Variants in CACNB2 observed in about 807,000 individuals in gnomAD.
CACNB2 encodes voltage-dependent L-type calcium channel subunit beta-2.
In CACNB2, 42 loss-of-function variants were observed where a neutral mutation model predicts 73.3. The ratio of observed to expected loss-of-function variants is 0.57; its 90% CI spans 0.45 to 0.74. The LOEUF is 0.74. Ranked by LOEUF, CACNB2 falls within the 30% of genes least tolerant of loss-of-function variation. The pLI is 0.00. For synonymous variants in CACNB2, 348 were observed against 310.3 expected (o/e 1.12, Z -1.28); for missense variants, 940 against 853.0 (o/e 1.10, Z -1.27).
intron 2 of CACNB2, among the ~76,000 whole-genome samples, chr10:18,391,501 G>A (rs1279582189): frequency 6.6e-6 from 1 of 152,036 alleles, no homozygotes; most frequent in Non-Finnish European, 1.5e-5. Flanking sequence ...TCCATGCCTG[G>A]CACTATTCCA....
chr10:18,304,461 ATTGT>A (rs562445995), intron 2 of CACNB2, among the ~76,000 whole-genome samples: 38 of 152,388 alleles, frequency 2.5e-4, no homozygotes, highest in African/African-American at 8.9e-4. Context: ...CATTGAAAAC[ATTGT>A]TTGTTTCCCC....
chr10:18,403,961 T>C (rs1456356909), intron 3 of CACNB2, among the ~76,000 whole-genome samples: 1 of 152,086 alleles, frequency 6.6e-6, no homozygotes, highest in East Asian at 1.9e-4. Flanking sequence ...TTGTATATTT[T>C]TAAATAACTT....
chr10:18,357,194 C>T (rs1335917483), intron 2 of CACNB2, among the ~76,000 whole-genome samples: 4 of 151,704 alleles, frequency 2.6e-5, no homozygotes, highest in African/African-American at 4.8e-5. Context: ...CCGCCCGTCT[C>T]GGCCTCCCAA....
At chr10:18,463,266 G>A (rs2047679446) in intron 3 of CACNB2, among the ~76,000 whole-genome samples, 1 of 151,932 alleles carries the variant, frequency 6.6e-6, no homozygotes, top group Non-Finnish European at 1.5e-5. Flanking sequence ...GCTCACACCT[G>A]TAATCCCAGC....
intron 2 of CACNB2, among the ~76,000 whole-genome samples, chr10:18,235,099 C>T (rs1180306947): frequency 3.4e-5 from 5 of 149,126 alleles, no homozygotes; most frequent in African/African-American, 1.2e-4. Context: ...GCCGGGATCA[C>T]GCCACTGCAC....
At chr10:18,449,500 A>G (rs2046911884) in intron 3 of CACNB2, among the ~76,000 whole-genome samples, 1 of 152,252 alleles carries the variant, frequency 6.6e-6, no homozygotes, top group African/African-American at 2.4e-5. Context: ...TCTTTAAGCC[A>G]AGACAGAGTC....
chr10:18,280,746 A>T (rs1286706440), intron 2 of CACNB2, among the ~76,000 whole-genome samples: 5 of 152,198 alleles, frequency 3.3e-5, no homozygotes, highest in Admixed American at 3.3e-4. Flanking sequence ...AGCCACATGA[A>T]ATAAAAATGA....
At chr10:18,536,682 T>G (rs1031643871) in intron 12 of CACNB2, among the ~76,000 whole-genome samples, 3 of 152,184 alleles carry the variant, frequency 2.0e-5, no homozygotes, top group Non-Finnish European at 4.4e-5. Context: ...GATCATGTGT[T>G]TTGAGCACAA....
chr10:18,491,891 G>A (rs188867365), intron 3 of CACNB2, among the ~76,000 whole-genome samples: 2 of 127,052 alleles, frequency 1.6e-5, no homozygotes, highest in East Asian at 2.9e-4. Context: ...GAATGAAAGA[G>A]ATATGTATCA....
intron 2 of CACNB2, among the ~76,000 whole-genome samples, chr10:18,377,140 G>GA (rs1456769196): frequency 4.6e-5 from 7 of 151,954 alleles, no homozygotes; most frequent in African/African-American, 1.4e-4. Flanking sequence ...CCTGCAAAAA[G>GA]AAAACCAAAA....
intron 2 of CACNB2, among the ~76,000 whole-genome samples, chr10:18,287,873 CAG>C (rs1372921610): frequency 2.6e-5 from 4 of 152,056 alleles, no homozygotes; most frequent in Non-Finnish European, 5.9e-5. Context: ...AACAAAAAAA[CAG>C]AGGTGTTACT....
At chr10:18,218,993 GTC>G (rs2131379631) in intron 2 of CACNB2, among the ~76,000 whole-genome samples, 1 of 152,262 alleles carries the variant, frequency 6.6e-6, no homozygotes, top group Non-Finnish European at 1.5e-5. Context: ...GAGAAACCCT[GTC>G]TCTACAAAAA....
At chr10:18,345,126 A>T (rs1245736068) in intron 2 of CACNB2, among the ~76,000 whole-genome samples, 3 of 152,244 alleles carry the variant, frequency 2.0e-5, no homozygotes, top group African/African-American at 7.2e-5. Context: ...AATCTATAAC[A>T]AATTTGAACA....
chr10:18,359,105 G>T (rs1039469475), intron 2 of CACNB2, among the ~76,000 whole-genome samples: 1 of 151,848 alleles, frequency 6.6e-6, no homozygotes, highest in African/African-American at 2.4e-5. Context: ...AATACTGATA[G>T]CCATTTTCTT....
At chr10:18,451,248 T>C (rs2047008495) in intron 3 of CACNB2, among the ~76,000 whole-genome samples, 1 of 152,112 alleles carries the variant, frequency 6.6e-6, no homozygotes, top group African/African-American at 2.4e-5. Flanking sequence ...AATGAAGAGA[T>C]CCAAAATAAA....
chr10:18,439,391 T>C (rs946877930), intron 3 of CACNB2, among the ~76,000 whole-genome samples: 3 of 152,162 alleles, frequency 2.0e-5, no homozygotes, highest in Non-Finnish European at 4.4e-5. Context: ...AAGGGAAAAT[T>C]TGAGTCCTGG....
intron 3 of CACNB2, among the ~76,000 whole-genome samples, chr10:18,441,793 C>T (rs897312362): frequency 6.6e-6 from 1 of 152,088 alleles, no homozygotes; most frequent in East Asian, 1.9e-4. Flanking sequence ...CGCCACCACA[C>T]CCAAATAATT....
chr10:18,385,376 C>G lies in CACNB2; in HGVS notation c.214-16548C>G, dbSNP rs1287048858. Among the ~76,000 whole-genome samples the G allele has an allele frequency of 1.4e-3, 61 of 42,728 alleles. No individual in the cohort carries two copies. In the East Asian group the frequency reaches 0.11, roughly 78 times the overall value. 28.0% of individuals were successfully genotyped at this position (42,728 alleles called of 152,430 possible). A position where few individuals can be genotyped will look rare whatever the true frequency, so the allele number is the denominator to read the frequency against. On this transcript the variant is annotated intron_variant, in intron 2 of 13. Transcript: ENST00000324631. ...AGAGATTTGTAATACCCCCCCCCCT[C>G]GCCCCCCACAGGTTTTAAAAATGTG...
At chr10:18,194,046 C>G (rs1310759137) in intron 2 of CACNB2, among the ~76,000 whole-genome samples, 1 of 152,112 alleles carries the variant, frequency 6.6e-6, no homozygotes, top group Admixed American at 6.5e-5. Flanking sequence ...TTTGGAGAAG[C>G]TGTGGTGTGA....
Sources: gnomAD v4.1 joint callset for allele counts (sites outside exome capture counted in the v4.1 genomes callset) on GRCh38, gnomAD v4.1.1 for gene constraint, MANE v1.5 for transcripts, NCBI Gene and HGNC (gene_info 2026-07-23, HGNC 2026-07-21) for gene names.